Variants in MYT1L observed in about 807,000 individuals in gnomAD.
MYT1L encodes myelin transcription factor 1 like, also known as myelin transcription factor 1-like protein.
A neutral mutation model predicts 126.7 loss-of-function variants in MYT1L; 12 were observed. That is an observed-to-expected ratio of 0.09 (90% CI 0.06 to 0.15). The LOEUF is 0.15. MYT1L is among the 10% of genes least tolerant of loss of function. The probability of loss-of-function intolerance (pLI) is 1.00; values close to 1 mark genes in which losing one functional copy is unlikely to be tolerated. For synonymous variants in MYT1L, 541 were observed against 604.2 expected, an observed-to-expected ratio of 0.90 and a Z score of 1.53; for missense variants, 979 against 1,585.2, an observed-to-expected ratio of 0.62 and a Z score of 6.49.
chr2:2,302,347 C>G (rs1005562239), intron 1 of MYT1L, among the ~76,000 whole-genome samples: 2 of 152,192 alleles, frequency 1.3e-5, no homozygotes, highest in Middle Eastern at 3.4e-3. Flanking sequence ...TTGGACCAAT[C>G]GATTTAAAAA....
intron 3 of MYT1L, among the ~76,000 whole-genome samples, chr2:2,137,612 G>A (rs972145384): frequency 2.0e-5 from 3 of 152,154 alleles, no homozygotes; most frequent in Non-Finnish European, 4.4e-5. Flanking sequence ...TTTAATAAAT[G>A]GTGCTGAGAA....
At chr2:2,039,101 C>T (rs2149998073) in intron 4 of MYT1L, among the ~76,000 whole-genome samples, 1 of 152,292 alleles carries the variant, frequency 6.6e-6, no homozygotes, top group Non-Finnish European at 1.5e-5. Context: ...TCAGCAAGCA[C>T]CGGGGGAATG....
At chr2:2,093,959 A>G (rs998743718) in intron 3 of MYT1L, among the ~76,000 whole-genome samples, 8 of 152,180 alleles carry the variant, frequency 5.3e-5, no homozygotes, top group Non-Finnish European at 1.5e-5. Flanking sequence ...TCCTTTCCCA[A>G]TTTCTTGTTT....
intron 2 of MYT1L, among the ~76,000 whole-genome samples, chr2:2,189,887 C>G (rs1231505584): frequency 6.6e-6 from 1 of 151,784 alleles, no homozygotes; most frequent in East Asian, 1.9e-4. Flanking sequence ...AGCTCGTTCT[C>G]AGGACCGCAC....
chr2:2,245,708 C>T (rs1011012615), intron 2 of MYT1L, among the ~76,000 whole-genome samples: 2 of 152,060 alleles, frequency 1.3e-5, no homozygotes, highest in African/African-American at 4.8e-5. Flanking sequence ...GGGCTCAGCA[C>T]CATCCACTCT....
In MYT1L at chr2:2,328,375, A is replaced by G. The variant is rs569958851; in HGVS notation, c.-521+2592T>C. On this transcript the variant is annotated intron_variant, in intron 1 of 24. Coordinates refer to ENST00000647738, the MANE Select transcript of MYT1L (RefSeq NM_001303052.2). The stretch of plus-strand genomic sequence containing the variant: ...ACATAACAGGGACAGTGAAAACAGC[A>G]TATTAAAGAAGTCTCATTCTCTGAA... Among the ~76,000 whole-genome samples the G allele has an allele frequency of 1.1e-4, 17 of 152,348 alleles. No individual in the cohort carries two copies. In the South Asian group the frequency reaches 2.9e-3, roughly 26 times the overall value.
chr2:2,079,406 A>G (rs1171984819), intron 3 of MYT1L, among the ~76,000 whole-genome samples: 1 of 152,238 alleles, frequency 6.6e-6, no homozygotes, highest in East Asian at 1.9e-4. Flanking sequence ...TAAGGTAGCA[A>G]TACTTCTCAA....
At chr2:1,930,280 G>C (rs1249385027) in intron 9 of MYT1L, among the ~76,000 whole-genome samples, 1 of 152,192 alleles carries the variant, frequency 6.6e-6, no homozygotes, top group African/African-American at 2.4e-5. Context: ...TTCTTTCACT[G>C]AACTGCTGGA....
chr2:2,162,625 G>A (rs1395521735), intron 3 of MYT1L, among the ~76,000 whole-genome samples: 2 of 152,318 alleles, frequency 1.3e-5, no homozygotes, highest in South Asian at 2.1e-4. Flanking sequence ...CGTGCTGCAC[G>A]GTTTTCATGG....
intron 18 of MYT1L, among the ~76,000 whole-genome samples, chr2:1,853,499 T>A (rs2043535897): frequency 6.6e-6 from 1 of 152,240 alleles, no homozygotes; most frequent in Non-Finnish European, 1.5e-5. Flanking sequence ...GTTTTTCAAA[T>A]GACACCTTAT....
chr2:2,017,828 G>C (rs796344875), intron 4 of MYT1L, among the ~76,000 whole-genome samples: 5 of 152,226 alleles, frequency 3.3e-5, no homozygotes, highest in African/African-American at 1.2e-4. Context: ...CTAGGTTTCT[G>C]GGGCAGAGAC....
At chr2:2,049,290 A>C (rs1389981625) in intron 4 of MYT1L, among the ~76,000 whole-genome samples, 1 of 152,238 alleles carries the variant, frequency 6.6e-6, no homozygotes, top group East Asian at 1.9e-4. Context: ...CTCTGTGTGT[A>C]TATACACATA....
chr2:1,939,894 G>C (rs1172557554), intron 9 of MYT1L, among the ~76,000 whole-genome samples: 1 of 152,224 alleles, frequency 6.6e-6, no homozygotes, highest in Non-Finnish European at 1.5e-5. Context: ...AAGCCTTCGT[G>C]AGCGTGTCTC....
intron 14 of MYT1L, among the ~76,000 whole-genome samples, chr2:1,900,112 C>G (rs1018023680): frequency 2.6e-5 from 4 of 152,184 alleles, no homozygotes; most frequent in Admixed American, 6.5e-5. Flanking sequence ...TTTTTAGGAA[C>G]AATGACTCAA....
chr2:2,217,773 T>C (rs1288220804), intron 2 of MYT1L, among the ~76,000 whole-genome samples: 3 of 145,028 alleles, frequency 2.1e-5, no homozygotes, highest in Non-Finnish European at 4.5e-5. Flanking sequence ...TAATAGACTC[T>C]GAAAAATCAT....
intron 15 of MYT1L, among the ~76,000 whole-genome samples, chr2:1,890,881 T>C (rs2048781098): frequency 6.6e-6 from 1 of 152,226 alleles, no homozygotes; most frequent in Admixed American, 6.5e-5. Flanking sequence ...ACTCTCTTTG[T>C]CAAAGTGTAC....
chr2:1,850,329 A>G (rs2043106256), intron 19 of MYT1L, among the ~76,000 whole-genome samples: 1 of 151,700 alleles, frequency 6.6e-6, no homozygotes, highest in African/African-American at 2.4e-5. Context: ...TGGACTGCGT[A>G]CTTTATAAGC....
chr2:2,067,194 G>A (rs1468024333), intron 3 of MYT1L, among the ~76,000 whole-genome samples: 1 of 152,176 alleles, frequency 6.6e-6, no homozygotes, highest in African/African-American at 2.4e-5. Context: ...TTCTGAAGCT[G>A]TAGTAATTAA....
chr2:1,873,777 T>C (rs1485200440), intron 18 of MYT1L, among the ~76,000 whole-genome samples: 1 of 152,042 alleles, frequency 6.6e-6, no homozygotes, highest in Non-Finnish European at 1.5e-5. Flanking sequence ...GGAATAAGAA[T>C]AGAAAAACTC....
Sources: allele counts gnomAD v4.1 joint callset (sites outside exome capture counted in the v4.1 genomes callset), GRCh38; gene constraint gnomAD v4.1.1; transcripts MANE v1.5; gene names NCBI Gene and HGNC (gene_info 2026-07-23, HGNC 2026-07-21).